The following TPPP2 variants were observed in gnomAD, a reference collection of about 807,000 sequenced individuals.
The protein encoded by TPPP2 is tubulin polymerization-promoting protein family member 2.
In TPPP2, 8 loss-of-function variants were observed where a neutral mutation model predicts 13.0. The ratio of observed to expected loss-of-function variants is 0.62; its 90% CI spans 0.36 to 1.11. The LOEUF (loss-of-function observed/expected upper bound fraction) is 1.11, where lower values mean the gene tolerates loss of function less well. TPPP2 is among the 50% of genes most tolerant of loss of function. The pLI, the probability that TPPP2 is intolerant of heterozygous loss-of-function variation, is 0.02. For synonymous variants in TPPP2, 81 were observed against 81.8 expected, an observed-to-expected ratio of 0.99 and a Z score of 0.05; for missense variants, 213 against 216.9, an observed-to-expected ratio of 0.98 and a Z score of 0.11.
rs1186528751 is a variant in TPPP2, at chr14:21,031,068, T to C, written c.230T>C (p.Leu77Pro). 8 of 1,614,124 alleles carry C rather than the reference T, an allele frequency of 5.0e-6. No homozygotes were observed. Among genetic ancestry groups the C allele is most frequent in the Non-Finnish European group, 6.8e-6 (8 of 1,180,018 alleles). Residue 77 changes from leucine to proline, a missense_variant, in exon 3 of 4, where the codon CTG (leucine) becomes CCG (proline). Physicochemically the swap from Leu to Pro is moderately conservative, Grantham distance 98 (BLOSUM62 -3). Coordinates refer to ENST00000321760, the MANE Select transcript of TPPP2 (RefSeq NM_173846.5). ...CAGTTCAAAGAGGCAGTGAAGGAAC[T>C]GGGCCAGAAGCGCTTCAAAGGGAAG... Reference protein sequence around the residue: ...FQQFKEAVKELGQKRFKGKSP... With the variant: ...FQQFKEAVKEPGQKRFKGKSP...
downstream of TPPP2, chr14:21,034,079 C>G (rs1359112292): frequency 1.2e-6 from 2 of 1,614,036 alleles, no homozygotes; most frequent in Non-Finnish European, 1.7e-6. Context: ...CATAATGGAT[C>G]TTTGGGCAAT....
chr14:21,031,129 C>T lies in TPPP2; in HGVS notation c.291C>T (p.Leu97=). Residue 97 remains leucine, a synonymous_variant, in exon 3 of 4, where the codon CTC becomes CTT. Transcript: ENST00000321760. ...PDEVLENIYG[L]MEGKDPATTG... ...AAGTCCTGGAGAACATTTATGGACT[C>T]ATGGAGGGCAAAGACCCAGCCACCA... 6.2e-7 allele frequency: 1 copy of T among 1,614,110 alleles called. No homozygotes were observed.
At chr14:21,031,816 T>A (rs1884192430) in intron 3 of TPPP2, 76 bp from the exon 4 acceptor site, 3 of 1,496,982 alleles carry the variant, frequency 2.0e-6, no homozygotes, top group Non-Finnish European at 2.7e-6. Flanking sequence ...GTTCTAAGTA[T>A]CTCGGGCCAT....
chr14:21,025,233 C>T, upstream of TPPP2: 3 of 851,676 alleles, frequency 3.5e-6, no homozygotes, highest in Non-Finnish European at 4.2e-6. This position sits in a 1 kb window ranked among gnomAD's most constrained non-coding sequence, Gnocchi z 5.1. Context: ...GTGCTGGGGC[C>T]GGGGGGCGAG....
At chr14:21,033,014 C>T (rs1226994993), downstream of TPPP2, 1 of 454,940 alleles carries the variant, frequency 2.2e-6, no homozygotes, top group Admixed American at 2.4e-5. Context: ...GGGGCAGACT[C>T]TGGAGTCTGG....
downstream of TPPP2, among the ~76,000 whole-genome samples, chr14:21,035,128 C>T (rs193024316): frequency 4.0e-4 from 61 of 152,328 alleles, no homozygotes; most frequent in African/African-American, 1.4e-3. Flanking sequence ...GGGCCTCCCA[C>T]CAAAGTGCTG....
downstream of TPPP2, chr14:21,035,655 G>T: frequency 7.2e-6 from 3 of 414,714 alleles, no homozygotes; most frequent in South Asian, 5.4e-5. Context: ...CAGGAGGAGG[G>T]AGTAAGGCCG....
chr14:21,029,429 C>T (rs776058247), upstream of TPPP2, among the ~76,000 whole-genome samples: 1 of 151,978 alleles, frequency 6.6e-6, no homozygotes, highest in African/African-American at 2.4e-5. Flanking sequence ...GGCAAAACCC[C>T]GTCTCTACTA....
In TPPP2 at chr14:21,032,235, C is replaced by T. The variant is rs1373389941; in HGVS notation, c.*158C>T. The T allele has an allele frequency of 7.4e-6, 6 of 807,312 alleles. No homozygotes were observed. The highest frequency in any genetic ancestry group is 1.7e-5 in the African/African-American group (1 of 58,850). 50.0% of individuals were successfully genotyped at this position (807,312 alleles called of 1,614,324 possible). On this transcript the variant is annotated 3_prime_UTR_variant, in exon 4 of 4. Transcript: ENST00000321760. ...GTAGAGAGAGGGAGAAGAGGCAGCA[C>T]AGGAGGGTGGGTTCTCCACCACACA...
chr14:21,030,407 G>A (rs938180037), intron 1 of TPPP2, 103 bp downstream of exon 1: 2 of 646,024 alleles, frequency 3.1e-6, no homozygotes, highest in South Asian at 3.9e-5. Flanking sequence ...AGTTGCGTAG[G>A]TGCAATGGGA....
chr14:21,025,441 G>C, upstream of TPPP2: 1 of 985,636 alleles, frequency 1.0e-6, no homozygotes, highest in Non-Finnish European at 1.2e-6. The surrounding 1 kb of genome is among the most constrained non-coding windows in gnomAD (Gnocchi z 5.1). Context: ...CCCAGACTCA[G>C]TGGTGGGAAC....
upstream of TPPP2, among the ~76,000 whole-genome samples, chr14:21,026,169 C>G (rs1594464847): frequency 6.6e-6 from 1 of 152,116 alleles, no homozygotes; most frequent in South Asian, 2.1e-4. Flanking sequence ...CACACACACA[C>G]CCTGGAATGA....
rs528757774 is a variant in TPPP2 at position 21,030,270 on chromosome 14, C to T, written c.-104C>T. On this transcript the variant is annotated 5_prime_UTR_variant, in exon 1 of 4. Transcript: ENST00000321760. Reference sequence around the variant, plus strand: ...TCTGCACACACTTAAATACAAAGGCCGGGAAGGGTCAGACCACCATCCGGG... The same window carrying T: ...TCTGCACACACTTAAATACAAAGGCTGGGAAGGGTCAGACCACCATCCGGG... 3.2e-5 allele frequency: 10 copies of T among 309,778 alleles called. No homozygotes were observed. The highest frequency in any genetic ancestry group is 1.9e-4 in the African/African-American group (9 of 47,150). The allele number at this position is 309,778 out of a possible 1,614,324, so 19.2% of individuals were successfully genotyped here. A position where few individuals can be genotyped will look rare whatever the true frequency, so the allele number is the denominator to read the frequency against.
downstream of TPPP2, chr14:21,033,032 G>T (rs780234559): frequency 2.2e-5 from 10 of 453,410 alleles, no homozygotes; most frequent in Non-Finnish European, 2.2e-5. Context: ...TGGGGGATTT[G>T]GGAGGAGCTT....
At chr14:21,024,590 C>T (rs1882737922) in intron 1 of TPPP2, 2 of 985,382 alleles carry the variant, frequency 2.0e-6, no homozygotes. Context: ...CGCTTCTCTC[C>T]TCTACTCAGT....
At chr14:21,025,844 T>A, upstream of TPPP2, 1 of 216,698 alleles carries the variant, frequency 4.6e-6, no homozygotes, top group Non-Finnish European at 7.5e-6. The surrounding 1 kb of genome is among the most constrained non-coding windows in gnomAD (Gnocchi z 5.1). Flanking sequence ...GACTCTGGGG[T>A]CAATGCCTCA....
rs1299932467 is a variant in TPPP2 at position 21,031,031 on chromosome 14, A to G, written c.193A>G (p.Ile65Val). The G allele has an allele frequency of 3.1e-6, 5 of 1,611,602 alleles. No homozygotes were observed. Among genetic ancestry groups the G allele is most frequent in the East Asian group, 2.2e-5 (1 of 44,880 alleles). ...SKVKAKNART[I>V]TFQQFKEAVK... ...GACCAGGGCCAAGAACGCCCGAACC[A>G]TCACGTTTCAACAGTTCAAAGAGGC... Residue 65 changes from isoleucine (I) to valine (V), a missense_variant, in exon 3 of 4, where the codon ATC becomes GTC. Physicochemically the swap from Ile to Val is conservative, Grantham distance 29 (BLOSUM62 3). Coordinates refer to ENST00000321760, the MANE Select transcript of TPPP2 (RefSeq NM_173846.5).
chr14:21,034,439 G>C (rs117238774), downstream of TPPP2: 8 of 647,346 alleles, frequency 1.2e-5, no homozygotes, highest in Non-Finnish European at 1.8e-5. Flanking sequence ...AGAAAGAGGA[G>C]ATGCTTGCCC....
At chr14:21,033,077 T>C, downstream of TPPP2, 1 of 442,986 alleles carries the variant, frequency 2.3e-6, no homozygotes, top group Non-Finnish European at 4.5e-6. Context: ...CTCTGGGGAA[T>C]GGGTGAGAGA....
Sources: allele counts gnomAD v4.1 joint callset (sites outside exome capture counted in the v4.1 genomes callset), GRCh38; gene constraint gnomAD v4.1.1; non-coding constraint Gnocchi (gnomAD v3.1); transcripts MANE v1.5; gene names NCBI Gene and HGNC (gene_info 2026-07-23, HGNC 2026-07-21).